Variants in PAX8 observed in about 807,000 individuals in gnomAD.
The protein encoded by PAX8 is paired box protein Pax-8.
A neutral mutation model predicts 52.4 loss-of-function variants in PAX8; 15 were observed. That is an observed-to-expected ratio of 0.29 (90% CI 0.19 to 0.44). PAX8 has a LOEUF of 0.44. Ranked by LOEUF, PAX8 falls within the 20% of genes least tolerant of loss-of-function variation. The probability of loss-of-function intolerance (pLI) is 1.00; values close to 1 mark genes in which losing one functional copy is unlikely to be tolerated. For synonymous variants in PAX8, 284 were observed against 249.7 expected (o/e 1.14, Z -1.29); for missense variants, 554 against 602.5 (o/e 0.92, Z 0.84).
Position 113,263,706 on chromosome 2 carries a change from G to A in PAX8, c.25+14664C>T, listed in dbSNP as rs549103300. On this transcript the variant is annotated intron_variant, in intron 2 of 11. Coordinates refer to ENST00000429538, the MANE Select transcript of PAX8 (RefSeq NM_003466.4). The stretch of plus-strand genomic sequence containing the variant: ...GATCTCTGGGAGGAGGAGGCACAGT[G>A]CAAAAAGAAGGGCTGTGCCCCCAGC... Among the ~76,000 whole-genome samples the A allele has an allele frequency of 2.6e-5, 4 of 152,254 alleles. No individual in the cohort carries two copies. The East Asian group carries it at 7.7e-4, about 29-fold the overall frequency.
chr2:113,278,427 T>C lies in PAX8; in HGVS notation c.-33A>G, dbSNP rs1410502792. The C allele has an allele frequency of 6.2e-7, 1 of 1,610,222 alleles. No homozygotes were observed. The highest frequency in any genetic ancestry group is 8.5e-7 in the Non-Finnish European group (1 of 1,178,810). On this transcript the variant is annotated 5_prime_UTR_variant, in exon 2 of 12. Transcript: ENST00000429538. ...GAGTCGCTCGCAGCCCGCCGAGGGC[T>C]CGGGGCTTCCTCCCGTAGGTCCGGG... is the stretch of plus-strand genomic sequence containing the variant.
rs780704068 is a variant in PAX8, at chr2:113,235,527, G to A, written c.954C>T (p.Ser318=). 1.2e-6 allele frequency: 2 copies of A among 1,613,946 alleles called. No homozygotes were observed. Among genetic ancestry groups the A allele is most frequent in the Admixed American group, 3.3e-5 (2 of 60,022 alleles). The change falls in exon 9 of 12, where the codon AGC becomes AGT. Residue 318 remains serine, a synonymous_variant. Coordinates refer to ENST00000429538, the MANE Select transcript of PAX8 (RefSeq NM_003466.4). ...KQETPEVSSS[S]STPSSLSSSA... ...AGCTAGATAAAGAGGAAGGGGTGGA[G>A]CTAGAACTGGACACCTCGGGGGTTT... is the stretch of plus-strand genomic sequence containing the variant.
At chr2:113,243,322 C>T (rs1024101057) in intron 4 of PAX8, among the ~76,000 whole-genome samples, 1 of 152,228 alleles carries the variant, frequency 6.6e-6, no homozygotes, top group African/African-American at 2.4e-5. Flanking sequence ...GAAAGGTCAC[C>T]TCTGCTGACA....
intron 10 of PAX8, chr2:113,226,565 T>C: frequency 9.9e-7 from 1 of 1,007,004 alleles, no homozygotes; most frequent in African/African-American, 1.7e-5. Flanking sequence ...TCCAGGCTCA[T>C]TTCATCCTCT....
chr2:113,237,378 C>G (rs1408349925), intron 7 of PAX8: 1 of 152,122 alleles, frequency 6.6e-6, no homozygotes, highest in Admixed American at 6.5e-5. Flanking sequence ...GCCTGGAACT[C>G]AGGTAAATGG....
At chr2:113,274,726 A>G (rs1163576220) in intron 2 of PAX8, 1 of 152,234 alleles carries the variant, frequency 6.6e-6, no homozygotes, top group Non-Finnish European at 1.5e-5. Flanking sequence ...AAGGATGACT[A>G]TTAGTAAATC....
rs777911073 is a variant in PAX8 at position 113,236,733 on chromosome 2, A to C, written c.778-12T>G. On this transcript the variant is annotated splice_polypyrimidine_tract_variant and intron_variant, in intron 7 of 11. Transcript: ENST00000429538. The stretch of plus-strand genomic sequence containing the variant: ...AGCGGGTAGAGGCCCTGGGGAGCAA[A>C]GAGAAGTCAGCGCACAGAGACGATC... 6.4e-7 allele frequency: 1 copy of C among 1,553,304 alleles called. No individual in the cohort carries two copies. Among genetic ancestry groups the C allele is most frequent in the South Asian group, 1.2e-5 (1 of 84,400 alleles).
chr2:113,245,202 A>T (rs35129549), intron 3 of PAX8, among the ~76,000 whole-genome samples: 45,505 of 151,674 alleles, frequency 0.3, 6,877 homozygotes, highest in South Asian at 0.44. Context: ...GTCTGCCACC[A>T]CACCCGGCTA....
chr2:113,223,369 C>A (rs1410584875), intron 10 of PAX8, among the ~76,000 whole-genome samples: 1 of 152,206 alleles, frequency 6.6e-6, no homozygotes, highest in Non-Finnish European at 1.5e-5. Context: ...TTCCCTCCTT[C>A]ACTGCTAATT....
At chr2:113,236,767 CGACCTTCCTGCA>C (rs747122708) in intron 7 of PAX8, 46 bp from the exon 8 acceptor site, 93 of 1,540,060 alleles carry the variant, frequency 6.0e-5, no homozygotes, top group Non-Finnish European at 7.2e-5. Flanking sequence ...TCCAACAAGC[CGACCTTCCTGCA>C]GACCCTGAGC....
intron 2 of PAX8, among the ~76,000 whole-genome samples, chr2:113,248,240 C>G (rs1402077447): frequency 2.0e-5 from 3 of 152,172 alleles, no homozygotes; most frequent in Non-Finnish European, 2.9e-5. Context: ...TATGACTTGT[C>G]TAACTCAGCT....
chr2:113,222,905 A>G (rs1689347978), intron 10 of PAX8, among the ~76,000 whole-genome samples: 1 of 151,732 alleles, frequency 6.6e-6, no homozygotes, highest in Admixed American at 6.6e-5. Flanking sequence ...TGGGTTTGTG[A>G]TGCCCAGTCT....
chr2:113,230,846 TA>T (rs1251182427), intron 9 of PAX8, among the ~76,000 whole-genome samples: 1 of 152,344 alleles, frequency 6.6e-6, no homozygotes, highest in East Asian at 1.9e-4. Flanking sequence ...CTCTTCATCA[TA>T]AAACGATCCT....
At chr2:113,254,745 A>G (rs1370678559) in intron 2 of PAX8, among the ~76,000 whole-genome samples, 11 of 152,140 alleles carry the variant, frequency 7.2e-5, no homozygotes, top group Non-Finnish European at 1.6e-4. Context: ...CTGATGCCCT[A>G]ACAACACAGA....
rs147471176 is a variant in PAX8 at position 113,250,708 on chromosome 2, A to G, written c.26-3789T>C. ...TGACAATAATAATGATTGTTTGTAT[A>G]TTATGGTTTTCATTTCTTTTCAACT... On this transcript the variant is annotated intron_variant, in intron 2 of 11. Transcript: ENST00000429538. The G allele has an allele frequency of 5.9e-5, 9 of 152,344 alleles. No individual in the cohort carries two copies. The East Asian group carries it at 1.7e-3, about 29-fold the overall frequency. The allele number at this position is 152,344 out of a possible 1,614,324, so 9.4% of individuals were successfully genotyped here. A position where few individuals can be genotyped will look rare whatever the true frequency, so the allele number is the denominator to read the frequency against.
chr2:113,258,265 G>A (rs1692409150), intron 2 of PAX8, among the ~76,000 whole-genome samples: 1 of 152,100 alleles, frequency 6.6e-6, no homozygotes, highest in South Asian at 2.1e-4. Flanking sequence ...TTGTGTACTG[G>A]CTGGTTGTCC....
Position 113,242,730 on chromosome 2 carries a change from G to C in PAX8, c.438C>G (p.Ser146Arg). 6.2e-7 allele frequency: 1 copy of C among 1,613,952 alleles called. No homozygotes were observed. Among genetic ancestry groups the C allele is most frequent in the Non-Finnish European group, 8.5e-7 (1 of 1,179,862 alleles). ...GACTCAGGGACTTGGTGGCCACGCA[G>C]CTGTCCATAGGGAGGTTGAATGGTT... The part of the protein sequence containing the change: ...VQQPFNLPMD[S>R]CVATKSLSPG... The change falls in exon 5 of 12, where the codon AGC becomes AGG. Residue 146 changes from serine to arginine, a missense_variant. Ser to Arg is a moderately radical substitution (Grantham distance 110). Coordinates refer to ENST00000429538, the MANE Select transcript of PAX8 (RefSeq NM_003466.4).
At chr2:113,245,036 G>GT (rs1191083573) in intron 3 of PAX8, among the ~76,000 whole-genome samples, 6 of 137,610 alleles carry the variant, frequency 4.4e-5, no homozygotes, top group South Asian at 4.8e-4. Context: ...CACGACTGAG[G>GT]TTTTTTTTGT....
intron 10 of PAX8, among the ~76,000 whole-genome samples, chr2:113,223,703 A>G (rs1391253758): frequency 6.6e-6 from 1 of 152,142 alleles, no homozygotes; most frequent in Non-Finnish European, 1.5e-5. Flanking sequence ...GCTCTTTATT[A>G]CATCATCCCA....
Sources: gnomAD v4.1 joint callset for allele counts (sites outside exome capture counted in the v4.1 genomes callset) on GRCh38, gnomAD v4.1.1 for gene constraint, MANE v1.5 for transcripts, NCBI Gene and HGNC (gene_info 2026-07-23, HGNC 2026-07-21) for gene names.